The following SLC6A17 variants were observed in gnomAD, a reference collection of about 807,000 sequenced individuals.
The protein encoded by SLC6A17 is solute carrier family 6 member 17.
In SLC6A17, 21 loss-of-function variants were observed where a neutral mutation model predicts 64.5. The observed-to-expected ratio is 0.33, with a 90% confidence interval of 0.23 to 0.47. The LOEUF (loss-of-function observed/expected upper bound fraction) is 0.47, where lower values mean the gene tolerates loss of function less well. SLC6A17 is among the 20% of genes least tolerant of loss of function. The pLI is 1.00. For missense variants in SLC6A17, 682 were observed against 963.2 expected (o/e 0.71, Z 3.86); for synonymous variants, 372 against 399.5 (o/e 0.93, Z 0.82).
Position 110,197,530 on chromosome 1 carries a change from G to A in SLC6A17, c.1746G>A (p.Val582=), listed in dbSNP as rs1248858532. Residue 582 remains valine, a synonymous_variant, in exon 11 of 12, where the codon GTG becomes GTA. Transcript: ENST00000331565. ...WKFVSPLCMA[V]LTTASIIQLG... ...TCGTGTCTCCACTATGCATGGCTGT[G>A]CTCACCACAGCCAGCATCATCCAGC... 6.2e-7 allele frequency: 1 copy of A among 1,613,634 alleles called. No homozygotes were observed. Among genetic ancestry groups the A allele is most frequent in the Non-Finnish European group, 8.5e-7 (1 of 1,179,900 alleles).
chr1:110,192,395 T>C lies in SLC6A17; in HGVS notation c.1107-111T>C, dbSNP rs1191476781. On this transcript the variant is annotated intron_variant, in intron 7 of 11. Coordinates refer to ENST00000331565, the MANE Select transcript of SLC6A17 (RefSeq NM_001010898.4). This position sits in a 1 kb window ranked among gnomAD's most constrained non-coding sequence, Gnocchi z 4.3. ...CCACAGGGACAAGCTCAGAGATGCCTCTGTCAGTGACCCATGAGGTTCCCA... is the reference window on the plus strand; with the variant it reads ...CCACAGGGACAAGCTCAGAGATGCCCCTGTCAGTGACCCATGAGGTTCCCA... The C allele has an allele frequency of 1.4e-6, 2 of 1,453,548 alleles. No homozygotes were observed. The highest frequency in any genetic ancestry group is 2.8e-5 in the African/African-American group (2 of 70,656). The allele number at this position is 1,453,548 out of a possible 1,614,324, so 90.0% of individuals were successfully genotyped here.
intron 6 of SLC6A17, among the ~76,000 whole-genome samples, chr1:110,189,042 TC>T (rs887159071): frequency 1.6e-4 from 25 of 152,174 alleles, no homozygotes; most frequent in African/African-American, 5.3e-4. Flanking sequence ...CAGGAGACTC[TC>T]CCTCTTCCCT....
In SLC6A17 at chr1:110,192,629, G is replaced by T; in HGVS notation, c.1230G>T (p.Met410Ile). The T allele has an allele frequency of 6.2e-7, 1 of 1,614,170 alleles. No individual in the cohort carries two copies. The highest frequency in any genetic ancestry group is 1.1e-5 in the South Asian group (1 of 91,052). ...KDYMEMYNVI[M>I]TVKEDQFSAL... Reference sequence around the variant, plus strand: ...ACATGGAGATGTACAATGTCATCATGACCGTGAAGGAGGACCAGTTCTCAG... The same window carrying T: ...ACATGGAGATGTACAATGTCATCATTACCGTGAAGGAGGACCAGTTCTCAG... Residue 410 changes from methionine (M) to isoleucine (I), a missense_variant, in exon 8 of 12, where the codon ATG becomes ATT. By Grantham distance (10) the Met-to-Ile change is conservative. Transcript: ENST00000331565. This position sits in a 1 kb window ranked among gnomAD's most constrained non-coding sequence, Gnocchi z 4.3.
rs148405534 is a variant in SLC6A17, at chr1:110,196,282, C to T, written c.1652+537C>T. Among the ~76,000 whole-genome samples, 15 of 152,304 alleles carry T rather than the reference C, an allele frequency of 9.8e-5. No homozygotes were observed. The East Asian group carries it at 2.7e-3, about 27-fold the overall frequency. ...CTCATCCCTCATGTTAGGGCAAATA[C>T]GTGTTCCCAGGAGTTCTAGAACTAG... On this transcript the variant is annotated intron_variant, in intron 10 of 11. Coordinates refer to ENST00000331565, the MANE Select transcript of SLC6A17 (RefSeq NM_001010898.4).
chr1:110,186,279 C>G (rs1288660205), intron 6 of SLC6A17, among the ~76,000 whole-genome samples: 1 of 151,984 alleles, frequency 6.6e-6, no homozygotes, highest in Non-Finnish European at 1.5e-5. Flanking sequence ...AAATTTGACC[C>G]TGAAGTGTGA....
At chr1:110,191,194 G>A (rs1656817164) in intron 6 of SLC6A17, among the ~76,000 whole-genome samples, 1 of 152,220 alleles carries the variant, frequency 6.6e-6, no homozygotes, top group African/African-American at 2.4e-5. Context: ...GCCATTTAAA[G>A]ATGGGAGTCA....
intron 1 of SLC6A17, among the ~76,000 whole-genome samples, chr1:110,159,529 A>G (rs1655850097): frequency 6.6e-6 from 1 of 152,224 alleles, no homozygotes; most frequent in Non-Finnish European, 1.5e-5. Context: ...AGAAGTTGCC[A>G]CTGGCTCCTC....
intron 6 of SLC6A17, among the ~76,000 whole-genome samples, chr1:110,186,467 A>AAAGG (rs1656687905): frequency 2.1e-5 from 3 of 141,292 alleles, no homozygotes; most frequent in Middle Eastern, 3.3e-3. Flanking sequence ...AAAAGGAAAG[A>AAAGG]GAAGAGGAAA....
rs139364547 is a variant in SLC6A17, at chr1:110,183,100, C to T, written c.864+6361C>T. On this transcript the variant is annotated intron_variant, in intron 6 of 11. Transcript: ENST00000331565. ...AAGGTTAAACAGAGTTAGCATATGA[C>T]CCAGCCATTCCACTCCTAGGCACAT... Among the ~76,000 whole-genome samples, 19 of 152,294 alleles carry T rather than the reference C, an allele frequency of 1.2e-4. No individual in the cohort carries two copies. In the East Asian group the frequency reaches 3.7e-3, roughly 29 times the overall value.
rs142901935 is a variant in SLC6A17, at chr1:110,174,053, G to A, written c.525G>A (p.Pro175=). 2.9e-4 allele frequency: 465 copies of A among 1,614,132 alleles called. 1 individual carries two copies. The African/African-American group carries it at 4.8e-3, about 17-fold the overall frequency. ...IFYFFKSFQY[P]LPWSECPVVR... ...ATTTCTTCAAGTCCTTCCAGTACCC[G>A]CTGCCCTGGAGTGAATGTCCTGTCG... is the stretch of plus-strand genomic sequence containing the variant. The change falls in exon 4 of 12, where the codon CCG becomes CCA. Residue 175 remains proline (P), a synonymous_variant. Coordinates refer to ENST00000331565, the MANE Select transcript of SLC6A17 (RefSeq NM_001010898.4).
intron 3 of SLC6A17, 21 bp from the exon 4 acceptor site, chr1:110,173,952 C>G (rs779080994): frequency 1.2e-6 from 2 of 1,611,864 alleles, no homozygotes; most frequent in South Asian, 2.2e-5. Flanking sequence ...CTCAGTGACC[C>G]CGCAGTGGGC....
chr1:110,158,978 A>C (rs1354106633), intron 1 of SLC6A17, among the ~76,000 whole-genome samples: 1 of 152,190 alleles, frequency 6.6e-6, no homozygotes, highest in Non-Finnish European at 1.5e-5. Flanking sequence ...TGCCAGCATC[A>C]AAGGATCCTA....
At chr1:110,153,942 C>T (rs376240984) in intron 1 of SLC6A17, among the ~76,000 whole-genome samples, 1 of 152,182 alleles carries the variant, frequency 6.6e-6, no homozygotes, top group East Asian at 1.9e-4. Context: ...AATGATGTTG[C>T]TGGCTGCCAG....
At chr1:110,174,988 C>G (rs1557834894) in intron 5 of SLC6A17, 28 bp downstream of exon 5, 1 of 1,601,820 alleles carries the variant, frequency 6.2e-7, no homozygotes, top group Non-Finnish European at 8.5e-7. Flanking sequence ...CACCCAGGAC[C>G]CAAATGGGGA....
At position 110,194,882 on chromosome 1, in the gene SLC6A17, C is replaced by T. The variant is rs753867377; in HGVS notation, c.1492+111C>T. ...ATGACCCCACACCCAGAAGGCTCCA[C>T]CCCACACTGGGACACAGCTGGAGCC... On this transcript the variant is annotated intron_variant, in intron 9 of 11. Transcript: ENST00000331565. The T allele has an allele frequency of 3.8e-6, 5 of 1,330,348 alleles. No homozygotes were observed. The African/African-American group carries it at 4.3e-5, about 12-fold the overall frequency. 82.4% of individuals were successfully genotyped at this position (1,330,348 alleles called of 1,614,324 possible).
chr1:110,174,632 C>G, intron 4 of SLC6A17, 147 bp from the exon 5 acceptor site: 1 of 984,120 alleles, frequency 1.0e-6, no homozygotes, highest in Non-Finnish European at 1.5e-6. Context: ...TGCCAGATCC[C>G]GGCTAACCCA....
At position 110,199,941 on chromosome 1, in the gene SLC6A17, G is replaced by GTGGA. The variant is rs1305809117; in HGVS notation, c.*1503_*1506dup. ...TGGATGGATGGGTTGGGGGGTGGGG[G>GTGGA]TGGATGGATAGATGGATGGATGGAT... On this transcript the variant is annotated 3_prime_UTR_variant, in exon 12 of 12. Transcript: ENST00000331565. The GTGGA allele has an allele frequency of 1.0e-5, 4 of 382,098 alleles. No individual in the cohort carries two copies. Among genetic ancestry groups the GTGGA allele is most frequent in the Non-Finnish European group, 1.4e-5 (3 of 216,726 alleles). 23.7% of individuals were successfully genotyped at this position (382,098 alleles called of 1,614,324 possible).
chr1:110,172,020 G>A (rs543415847), intron 2 of SLC6A17, 40 bp from the exon 3 acceptor site: 1 of 1,607,254 alleles, frequency 6.2e-7, no homozygotes, highest in Non-Finnish European at 8.5e-7. Context: ...CTGCTGCTGT[G>A]CTCCAGAGCC....
At chr1:110,176,770 A>G (rs1656387657) in intron 6 of SLC6A17, 31 bp downstream of exon 6, 3 of 1,582,486 alleles carry the variant, frequency 1.9e-6, no homozygotes, top group Admixed American at 1.7e-5. Flanking sequence ...CATGCCAGGG[A>G]ACAGCAACAG....
Sources: allele counts gnomAD v4.1 joint callset (sites outside exome capture counted in the v4.1 genomes callset), GRCh38; gene constraint gnomAD v4.1.1; non-coding constraint Gnocchi (gnomAD v3.1); transcripts MANE v1.5; gene names NCBI Gene and HGNC (gene_info 2026-07-23, HGNC 2026-07-21).